The following GAB2 variants were observed in gnomAD, a reference collection of about 807,000 sequenced individuals.
GAB2 encodes GRB2-associated-binding protein 2.
Under a neutral mutation model 65.5 loss-of-function variants are expected in GAB2, and 26 were observed. That is an observed-to-expected ratio of 0.40 (90% CI 0.29 to 0.55). The LOEUF (loss-of-function observed/expected upper bound fraction) is 0.55. Among genes scored for constraint, GAB2 ranks in the 20% least tolerant of loss-of-function variants. GAB2 has a pLI of 0.53. For missense variants in GAB2, 884 were observed against 875.8 expected, an observed-to-expected ratio of 1.01 and a Z score of -0.12; for synonymous variants, 321 against 329.6, an observed-to-expected ratio of 0.97 and a Z score of 0.28.
At chr11:78,348,471 C>T (rs191535261) in intron 1 of GAB2, among the ~76,000 whole-genome samples, 133 of 152,260 alleles carry the variant, frequency 8.7e-4, no homozygotes, top group Middle Eastern at 3.4e-3. Flanking sequence ...ATACAAAATG[C>T]CAGTTGGCAC....
intron 2 of GAB2, among the ~76,000 whole-genome samples, chr11:78,251,471 A>C (rs1865454959): frequency 6.6e-6 from 1 of 152,206 alleles, no homozygotes; most frequent in African/African-American, 2.4e-5. Context: ...GTCATTATTC[A>C]TTTGGCTGGC....
chr11:78,246,120 C>G (rs593244), intron 3 of GAB2, among the ~76,000 whole-genome samples: 1 of 151,532 alleles, frequency 6.6e-6, no homozygotes, highest in Non-Finnish European at 1.5e-5. Flanking sequence ...TTAGTAGAGA[C>G]GGGGTTTCAC....
intron 3 of GAB2, among the ~76,000 whole-genome samples, chr11:78,248,490 G>T (rs1378902837): frequency 6.6e-6 from 1 of 152,202 alleles, no homozygotes; most frequent in Non-Finnish European, 1.5e-5. Flanking sequence ...TATTTCATAT[G>T]CATGTTAAAG....
intron 2 of GAB2, among the ~76,000 whole-genome samples, chr11:78,259,461 A>ATAT (rs1422790794): frequency 6.6e-6 from 1 of 152,196 alleles, no homozygotes; most frequent in Non-Finnish European, 1.5e-5. Flanking sequence ...AACAAGGAAC[A>ATAT]TATGAAGAAT....
At chr11:78,370,712 C>CGTGTGT (rs1554995526) in intron 1 of GAB2, among the ~76,000 whole-genome samples, 3 of 123,318 alleles carry the variant, frequency 2.4e-5, no homozygotes, top group African/African-American at 5.8e-5. Context: ...TGTGTGTGTG[C>CGTGTGT]GTGTGTGTGT....
intron 1 of GAB2, among the ~76,000 whole-genome samples, chr11:78,304,526 C>T (rs894769712): frequency 6.6e-6 from 1 of 152,190 alleles, no homozygotes; most frequent in East Asian, 1.9e-4. Flanking sequence ...CAATCTTAGA[C>T]TCTGGAGAGA....
chr11:78,323,154 C>G (rs1855758099), intron 1 of GAB2, among the ~76,000 whole-genome samples: 1 of 152,070 alleles, frequency 6.6e-6, no homozygotes, highest in Non-Finnish European at 1.5e-5. Flanking sequence ...AGTATGGAAT[C>G]ACATACTTTG....
At position 78,216,009 on chromosome 11, in the gene GAB2, C is replaced by T. The variant is rs1590929912; in HGVS notation, c.*3263G>A. 6.5e-6 allele frequency: 1 copy of T among 152,760 alleles called. No individual in the cohort carries two copies. Among genetic ancestry groups the T allele is most frequent in the Non-Finnish European group, 1.5e-5 (1 of 68,048 alleles). The allele number at this position is 152,760 out of a possible 1,614,324, so 9.5% of individuals were successfully genotyped here. On this transcript the variant is annotated 3_prime_UTR_variant, in exon 10 of 10. Coordinates refer to ENST00000361507, the MANE Select transcript of GAB2 (RefSeq NM_080491.3). ...TTGTTAACTTCTACATTGGAAACCA[C>T]TAAAGTCAAGCTAGGAGGGGACTGG...
At chr11:78,324,795 A>T (rs1855793263) in intron 1 of GAB2, 1 of 152,238 alleles carries the variant, frequency 6.6e-6, no homozygotes, top group Non-Finnish European at 1.5e-5. Context: ...CATACAAGGT[A>T]AGAATTATGC....
chr11:78,406,809 T>A (rs968664170), intron 1 of GAB2, among the ~76,000 whole-genome samples: 38 of 152,072 alleles, frequency 2.5e-4, no homozygotes, highest in African/African-American at 8.9e-4. Context: ...TAAAGAGTCA[T>A]CATAAAAATG....
intron 2 of GAB2, among the ~76,000 whole-genome samples, chr11:78,257,318 C>T (rs1202818799): frequency 6.6e-6 from 1 of 152,130 alleles, no homozygotes; most frequent in Non-Finnish European, 1.5e-5. Flanking sequence ...ATCCCTTCTC[C>T]CCCAAAAATT....
intron 1 of GAB2, among the ~76,000 whole-genome samples, chr11:78,353,437 T>C (rs1275512861): frequency 1.3e-5 from 2 of 152,198 alleles, no homozygotes; most frequent in African/African-American, 4.8e-5. Flanking sequence ...TGAGACTTTG[T>C]CTCAAATAAA....
At chr11:78,322,299 A>C (rs1193253252) in intron 1 of GAB2, among the ~76,000 whole-genome samples, 1 of 102,748 alleles carries the variant, frequency 9.7e-6, no homozygotes, top group Non-Finnish European at 1.8e-5. Context: ...ACTCTGTCTC[A>C]AAAAAAAAAA....
Position 78,273,338 on chromosome 11 carries a change from T to G in GAB2, c.376+7263A>C, listed in dbSNP as rs115090420. The stretch of plus-strand genomic sequence containing the variant: ...GCTATACCCTGCAAAGCTATAGAGG[T>G]GGAGTGCCCAAGGCCATGGGAGCCT... On this transcript the variant is annotated intron_variant, in intron 2 of 9. Transcript: ENST00000361507. 3.0e-3 allele frequency among the ~76,000 whole-genome samples: 456 copies of G among 152,262 alleles called. 2 individuals carry two copies. Among genetic ancestry groups the G allele is most frequent in the African/African-American group, 0.01 (436 of 41,572 alleles).
intron 2 of GAB2, among the ~76,000 whole-genome samples, chr11:78,278,748 T>G (rs1866246360): frequency 6.6e-6 from 1 of 150,962 alleles, no homozygotes; most frequent in East Asian, 1.9e-4. Context: ...GGACACAGGG[T>G]CTCGTTCTGT....
intron 1 of GAB2, among the ~76,000 whole-genome samples, chr11:78,326,092 C>T (rs1443118905): frequency 6.6e-6 from 1 of 152,130 alleles, no homozygotes; most frequent in Non-Finnish European, 1.5e-5. Flanking sequence ...ACAATGTCTT[C>T]CCCCTTTTAA....
intron 1 of GAB2, among the ~76,000 whole-genome samples, chr11:78,396,645 T>C (rs1011143996): frequency 8.5e-5 from 13 of 152,132 alleles, no homozygotes; most frequent in Admixed American, 6.5e-5. Context: ...TTCACTCTTG[T>C]TGTCCAGGCT....
chr11:78,224,816 T>C (rs2134463152), intron 5 of GAB2, among the ~76,000 whole-genome samples: 2 of 152,066 alleles, frequency 1.3e-5, no homozygotes, highest in South Asian at 4.2e-4. Flanking sequence ...TCTTAGAGGT[T>C]CCCCCACCGT....
At chr11:78,323,214 GA>G (rs1855759400) in intron 1 of GAB2, among the ~76,000 whole-genome samples, 1 of 152,086 alleles carries the variant, frequency 6.6e-6, no homozygotes, top group South Asian at 2.1e-4. Flanking sequence ...AATTAATGTA[GA>G]AACAGAAAAC....
Sources: gnomAD v4.1 joint callset for allele counts (sites outside exome capture counted in the v4.1 genomes callset) on GRCh38, gnomAD v4.1.1 for gene constraint, MANE v1.5 for transcripts, NCBI Gene and HGNC (gene_info 2026-07-23, HGNC 2026-07-21) for gene names.